ARMH3: variants seen among roughly 807,000 people sequenced by gnomAD.
The protein encoded by ARMH3 is armadillo-like helical domain-containing protein 3.
ARMH3 carries 60 observed loss-of-function variants against 99.1 expected under a neutral mutation model. The observed-to-expected ratio is 0.61, with a 90% CI of 0.49 to 0.75. The LOEUF (loss-of-function observed/expected upper bound fraction) is 0.75. ARMH3 is among the 30% of genes least tolerant of loss of function. The pLI is 0.00. For synonymous variants in ARMH3, 285 were observed against 292.8 expected (o/e 0.97, Z 0.27); for missense variants, 679 against 843.1 (o/e 0.81, Z 2.41).
At position 101,957,787 on chromosome 10, in the gene ARMH3, G is replaced by C. The variant is rs1053025438; in HGVS notation, c.1496-55C>G. The C allele has an allele frequency of 2.0e-6, 3 of 1,489,264 alleles. No individual in the cohort carries two copies. The African/African-American group carries it at 4.4e-5, about 22-fold the overall frequency. 92.3% of individuals were successfully genotyped at this position (1,489,264 alleles called of 1,614,324 possible). A position where few individuals can be genotyped will look rare whatever the true frequency, so the allele number is the denominator to read the frequency against. On this transcript the variant is annotated intron_variant, in intron 20 of 25. Transcript: ENST00000370033. Reference sequence around the variant, plus strand: ...AGCTATTCAAACCATGATTAATAAAGTTAAATAAAAACAGACTAGCTCTAA... The same window carrying C: ...AGCTATTCAAACCATGATTAATAAACTTAAATAAAAACAGACTAGCTCTAA...
At chr10:101,849,663 C>G in intron 25 of ARMH3, 113 bp downstream of exon 25, 2 of 829,808 alleles carry the variant, frequency 2.4e-6, no homozygotes, top group Non-Finnish European at 3.9e-6. Flanking sequence ...ATACCCCATC[C>G]CAGCAGACCC....
chr10:102,050,859 A>G (rs1023260636), intron 1 of ARMH3, among the ~76,000 whole-genome samples: 6 of 139,116 alleles, frequency 4.3e-5, no homozygotes, highest in South Asian at 4.6e-4. Flanking sequence ...TCCATCTCAG[A>G]AAAAAAAAAA....
In ARMH3 at chr10:102,033,102, T is replaced by C. The variant is rs758410767; in HGVS notation, c.230A>G (p.Asn77Ser). The C allele has an allele frequency of 3.2e-5, 51 of 1,614,080 alleles. No homozygotes were observed. The Admixed American group carries it at 8.2e-4, about 26-fold the overall frequency. The change falls in exon 4 of 26, where the codon AAT becomes AGT. Residue 77 changes from asparagine (N) to serine (S), a missense_variant. Asn to Ser is a conservative substitution (Grantham distance 46). This residue lies in a region of ARMH3 where 280 missense variants were observed against 354.6 expected (regional missense o/e 0.79). Coordinates refer to ENST00000370033, the MANE Select transcript of ARMH3 (RefSeq NM_024541.3). ...GCAGTGTTGGAATAAGCAATTAATATTGTCCTTGATCTTCATTAACTCCTC... is the reference window on the plus strand; with the variant it reads ...GCAGTGTTGGAATAAGCAATTAATACTGTCCTTGATCTTCATTAACTCCTC... ...DGEELMKIKD[N>S]INCLFQHCIQ...
At position 101,931,523 on chromosome 10, in the gene ARMH3, C is replaced by CA. The variant is rs956490794; in HGVS notation, c.1781+8339dup. Among the ~76,000 whole-genome samples the CA allele has an allele frequency of 2.4e-3, 321 of 135,924 alleles. 2 individuals carry two copies. The highest frequency in any genetic ancestry group is 7.0e-3 in the South Asian group (30 of 4,290). The allele number at this position is 135,924 out of a possible 152,430, so 89.2% of individuals were successfully genotyped here. A position where few individuals can be genotyped will look rare whatever the true frequency, so the allele number is the denominator to read the frequency against. ...CTGGGCAACAAGAACAAAACTGTCA[C>CA]AAAAAAAAAAAGCAGTGGGCATTAG... On this transcript the variant is annotated intron_variant, in intron 23 of 25. Coordinates refer to ENST00000370033, the MANE Select transcript of ARMH3 (RefSeq NM_024541.3).
intron 9 of ARMH3, among the ~76,000 whole-genome samples, chr10:102,013,715 T>C (rs2066680608): frequency 6.6e-6 from 1 of 152,190 alleles, no homozygotes; most frequent in African/African-American, 2.4e-5. Flanking sequence ...TTCAGCACAC[T>C]ATAACATGAA....
At chr10:101,962,957 CAT>C (rs969994055) in intron 20 of ARMH3, among the ~76,000 whole-genome samples, 4 of 149,368 alleles carry the variant, frequency 2.7e-5, no homozygotes, top group Non-Finnish European at 5.9e-5. Context: ...GCTCAGAGTA[CAT>C]GTCTTTTTTT....
intron 1 of ARMH3, among the ~76,000 whole-genome samples, chr10:102,041,075 C>CATATATATATATATAATATAT (rs1333168422): frequency 6.8e-5 from 9 of 132,000 alleles, no homozygotes; most frequent in African/African-American, 1.1e-4. Context: ...ATTGTGTGTA[C>CATATATATATATATAATATAT]ATATATATAT....
At chr10:101,923,350 A>C (rs1843376342) in intron 23 of ARMH3, among the ~76,000 whole-genome samples, 1 of 152,224 alleles carries the variant, frequency 6.6e-6, no homozygotes, top group Non-Finnish European at 1.5e-5. Flanking sequence ...CAATTAATCT[A>C]CTGGAGCTAA....
At chr10:101,865,320 C>T (rs564542308) in intron 24 of ARMH3, among the ~76,000 whole-genome samples, 25 of 151,790 alleles carry the variant, frequency 1.6e-4, no homozygotes, top group South Asian at 8.3e-4. Flanking sequence ...TCATTTACTA[C>T]CATAAAATAT....
At chr10:101,945,545 C>A (rs1844476974) in intron 22 of ARMH3, among the ~76,000 whole-genome samples, 1 of 151,940 alleles carries the variant, frequency 6.6e-6, no homozygotes. Flanking sequence ...TGGTGAAACC[C>A]CACCTCAACT....
intron 22 of ARMH3, among the ~76,000 whole-genome samples, chr10:101,954,585 T>C (rs1420411170): frequency 6.6e-6 from 1 of 152,240 alleles, no homozygotes; most frequent in Non-Finnish European, 1.5e-5. Flanking sequence ...TTCTATATCT[T>C]GATTTTTGTG....
intron 22 of ARMH3, among the ~76,000 whole-genome samples, chr10:101,946,231 T>G (rs1384839691): frequency 1.3e-5 from 2 of 152,040 alleles, no homozygotes; most frequent in Non-Finnish European, 2.9e-5. Context: ...AAAATTATCA[T>G]GGACTTTAAA....
At chr10:101,991,413 C>T (rs1846786768) in intron 18 of ARMH3, among the ~76,000 whole-genome samples, 1 of 151,676 alleles carries the variant, frequency 6.6e-6, no homozygotes, top group Non-Finnish European at 1.5e-5. Context: ...TTTTGAGATG[C>T]AGTCTCGCCC....
At chr10:101,878,666 GA>G (rs969233950) in intron 24 of ARMH3, among the ~76,000 whole-genome samples, 61 of 146,984 alleles carry the variant, frequency 4.2e-4, no homozygotes, top group African/African-American at 1.2e-3. Context: ...AAAGAAAAAG[GA>G]AAAAAAAAAG....
rs372372160 is a variant in ARMH3, at chr10:102,023,797, T to C, written c.508-48A>G. On this transcript the variant is annotated intron_variant, in intron 6 of 25. Coordinates refer to ENST00000370033, the MANE Select transcript of ARMH3 (RefSeq NM_024541.3). The stretch of plus-strand genomic sequence containing the variant: ...TAAAGTCTGTTCTGAGGTATTCTGA[T>C]ATCTTGTGTAATCTCCTCCCCTAAC... The C allele has an allele frequency of 2.6e-5, 40 of 1,531,364 alleles. No individual in the cohort carries two copies. In the African/African-American group the frequency reaches 4.2e-4, roughly 16 times the overall value. 94.9% of individuals were successfully genotyped at this position (1,531,364 alleles called of 1,614,324 possible). A position where few individuals can be genotyped will look rare whatever the true frequency, so the allele number is the denominator to read the frequency against.
At chr10:101,919,407 T>G (rs1843214505) in intron 23 of ARMH3, among the ~76,000 whole-genome samples, 1 of 152,106 alleles carries the variant, frequency 6.6e-6, no homozygotes, top group Non-Finnish European at 1.5e-5. Flanking sequence ...CCTCTCTGCT[T>G]GGCTACATTC....
At chr10:102,000,951 G>T (rs1414075870) in intron 15 of ARMH3, among the ~76,000 whole-genome samples, 4 of 152,000 alleles carry the variant, frequency 2.6e-5, no homozygotes, top group African/African-American at 9.6e-5. Flanking sequence ...CGAGTAGCTG[G>T]GATTACAGGC....
At chr10:101,940,024 C>G in intron 22 of ARMH3, 86 bp from the exon 23 acceptor site, 1 of 1,040,876 alleles carries the variant, frequency 9.6e-7, no homozygotes, top group Non-Finnish European at 1.4e-6. Context: ...CAGAATAGCA[C>G]TCTCAGAATA....
chr10:101,956,326 A>G (rs1420923122), intron 22 of ARMH3, among the ~76,000 whole-genome samples: 5 of 152,052 alleles, frequency 3.3e-5, no homozygotes, highest in African/African-American at 1.2e-4. Flanking sequence ...CTGGCATTCA[A>G]TGAATCCACA....
Sources: gnomAD v4.1 joint callset for allele counts (sites outside exome capture counted in the v4.1 genomes callset) on GRCh38, gnomAD v4.1.1 for gene constraint, gnomAD v4.1.1 regional missense constraint, MANE v1.5 for transcripts, NCBI Gene and HGNC (gene_info 2026-07-23, HGNC 2026-07-21) for gene names.